KCNK2: variants seen among roughly 807,000 people sequenced by gnomAD.
KCNK2 encodes the protein potassium two pore domain channel subfamily K member 2, also known as potassium channel subfamily K member 2.
Under a neutral mutation model 40.5 loss-of-function variants are expected in KCNK2, and 21 were observed. That is an observed-to-expected ratio of 0.52 (90% confidence interval 0.37 to 0.75). The LOEUF (loss-of-function observed/expected upper bound fraction) is 0.75. Ranked by LOEUF, KCNK2 falls within the 30% of genes least tolerant of loss-of-function variation. KCNK2 has a pLI of 0.00. For missense variants in KCNK2, 399 were observed against 531.6 expected (o/e 0.75, Z 2.45); for synonymous variants, 191 against 202.2 (o/e 0.94, Z 0.47).
chr1:215,214,165 C>T (rs994495375), intron 6 of KCNK2, among the ~76,000 whole-genome samples: 1 of 152,106 alleles, frequency 6.6e-6, no homozygotes. Flanking sequence ...ATTGGCTCAC[C>T]GTTCTGCAAG....
Position 215,113,330 on chromosome 1 carries a change from A to G in KCNK2, c.358-11303A>G, listed in dbSNP as rs78893613. Among the ~76,000 whole-genome samples, 1,333 of 152,274 alleles carry G rather than the reference A, an allele frequency of 8.8e-3. 15 individuals carry two copies. Among genetic ancestry groups the G allele is most frequent in the Middle Eastern group, 0.048 (14 of 294 alleles). ...GCAACCAAAGCAGTAATACAACTGAACTATTAATATAACCCCAAGACCTGA... is the reference window on the plus strand; with the variant it reads ...GCAACCAAAGCAGTAATACAACTGAGCTATTAATATAACCCCAAGACCTGA... On this transcript the variant is annotated intron_variant, in intron 2 of 6. Coordinates refer to ENST00000444842, the MANE Select transcript of KCNK2 (RefSeq NM_001017425.3).
At chr1:215,156,944 GCGAGGC>G (rs1662956259) in intron 3 of KCNK2, among the ~76,000 whole-genome samples, 2 of 98,910 alleles carry the variant, frequency 2.0e-5, no homozygotes, top group Non-Finnish European at 5.5e-5. Context: ...CCAGCTACTC[GCGAGGC>G]TGAGGCAGGA....
chr1:215,145,261 C>T (rs1662364339), intron 3 of KCNK2, among the ~76,000 whole-genome samples: 1 of 152,012 alleles, frequency 6.6e-6, no homozygotes, highest in Non-Finnish European at 1.5e-5. Context: ...ATGCTAAGTT[C>T]TTTATGTTTG....
intron 3 of KCNK2, among the ~76,000 whole-genome samples, chr1:215,130,791 A>G (rs1028214877): frequency 3.3e-5 from 5 of 152,084 alleles, no homozygotes; most frequent in East Asian, 1.9e-4. Context: ...ACAGATGGAG[A>G]TATACTCCTC....
intron 2 of KCNK2, among the ~76,000 whole-genome samples, chr1:215,114,204 G>T (rs1420748385): frequency 6.6e-6 from 1 of 152,086 alleles, no homozygotes; most frequent in Non-Finnish European, 1.5e-5. Context: ...CCTTTCATAG[G>T]GTGCTGTGCT....
intron 1 of KCNK2, among the ~76,000 whole-genome samples, chr1:215,068,572 C>A (rs1658638955): frequency 2.0e-5 from 3 of 152,088 alleles, no homozygotes; most frequent in South Asian, 4.1e-4. Flanking sequence ...GATACAAAAA[C>A]AAACAAACAA....
At chr1:215,039,466 A>G (rs1449291131) in intron 1 of KCNK2, among the ~76,000 whole-genome samples, 1 of 152,114 alleles carries the variant, frequency 6.6e-6, no homozygotes, top group Non-Finnish European at 1.5e-5. Context: ...TTATATTCCA[A>G]ACTAGAAGTG....
intron 3 of KCNK2, among the ~76,000 whole-genome samples, chr1:215,138,094 C>T (rs59581685): frequency 0.01 from 1,559 of 152,206 alleles, 26 homozygotes; most frequent in South Asian, 0.078. Context: ...GTATTAGAAA[C>T]GTAGTAACAT....
chr1:215,232,281 T>G (rs1462790601), intron 6 of KCNK2, among the ~76,000 whole-genome samples: 2 of 152,114 alleles, frequency 1.3e-5, no homozygotes, highest in African/African-American at 4.8e-5. Flanking sequence ...TGAGCTGAAA[T>G]AATGAGTACT....
chr1:215,221,887 G>A (rs928824750), intron 6 of KCNK2, among the ~76,000 whole-genome samples: 1 of 152,160 alleles, frequency 6.6e-6, no homozygotes, highest in Admixed American at 6.5e-5. Flanking sequence ...AGAAATACCT[G>A]AGACTGGGTA....
intron 6 of KCNK2, among the ~76,000 whole-genome samples, chr1:215,229,600 G>A (rs1424514159): frequency 6.6e-6 from 1 of 151,908 alleles, no homozygotes; most frequent in Non-Finnish European, 1.5e-5. Context: ...GGAGGTCAAG[G>A]CTGCAGTGAG....
intron 2 of KCNK2, among the ~76,000 whole-genome samples, chr1:215,102,857 T>C (rs774583909): frequency 3.3e-5 from 5 of 152,028 alleles, no homozygotes; most frequent in Non-Finnish European, 7.4e-5. Flanking sequence ...TAGTAGGCTA[T>C]GCCATCTGGG....
chr1:215,233,762 G>A (rs572829250), intron 6 of KCNK2, among the ~76,000 whole-genome samples: 1 of 152,264 alleles, frequency 6.6e-6, no homozygotes, highest in Non-Finnish European at 1.5e-5. Context: ...AGAAAATGGA[G>A]GAGTTGTTCC....
chr1:215,110,896 G>C (rs556601030), intron 2 of KCNK2, among the ~76,000 whole-genome samples: 18 of 152,140 alleles, frequency 1.2e-4, no homozygotes, highest in African/African-American at 4.3e-4. Flanking sequence ...TTCAGTCTTG[G>C]TGTTGTAGAG....
At chr1:215,008,915 G>T (rs967600379) in intron 1 of KCNK2, among the ~76,000 whole-genome samples, 1 of 152,024 alleles carries the variant, frequency 6.6e-6, no homozygotes, top group Admixed American at 6.6e-5. Context: ...TGCTTTAGAT[G>T]TGTAGGTGAT....
At chr1:215,086,236 G>A (rs1444935500) in intron 1 of KCNK2, 132 bp from the exon 2 acceptor site, 1 of 690,320 alleles carries the variant, frequency 1.4e-6, no homozygotes, top group Non-Finnish European at 2.5e-6. Flanking sequence ...AGCACTCCTG[G>A]TTTGGGTTCC....
At chr1:215,174,657 T>G (rs2102641134) in intron 5 of KCNK2, among the ~76,000 whole-genome samples, 1 of 152,264 alleles carries the variant, frequency 6.6e-6, no homozygotes, top group South Asian at 2.1e-4. Context: ...TGAGCAGTGG[T>G]TTGTAGTTCT....
intron 2 of KCNK2, among the ~76,000 whole-genome samples, chr1:215,103,833 G>A (rs1049403822): frequency 6.6e-6 from 1 of 151,966 alleles, no homozygotes; most frequent in African/African-American, 2.4e-5. Flanking sequence ...TCCATAGACA[G>A]CTTGTGTGTC....
chr1:215,221,188 A>G (rs1666156355), intron 6 of KCNK2, among the ~76,000 whole-genome samples: 1 of 152,234 alleles, frequency 6.6e-6, no homozygotes, highest in South Asian at 2.1e-4. Context: ...AGCCTAGCCA[A>G]CATGGTGAAA....
Sources: allele counts gnomAD v4.1 joint callset (sites outside exome capture counted in the v4.1 genomes callset), GRCh38; gene constraint gnomAD v4.1.1; transcripts MANE v1.5; gene names NCBI Gene and HGNC (gene_info 2026-07-23, HGNC 2026-07-21).